LINGO2: variants seen among roughly 807,000 people sequenced by gnomAD.
The protein encoded by LINGO2 is leucine rich repeat and Ig domain containing 2.
A neutral mutation model predicts 30.6 loss-of-function variants in LINGO2; 14 were observed. The observed-to-expected ratio is 0.46, with a 90% CI of 0.30 to 0.72. The LOEUF (loss-of-function observed/expected upper bound fraction) is 0.72, where lower values mean the gene tolerates loss of function less well. Ranked by LOEUF, LINGO2 falls within the 30% of genes least tolerant of loss-of-function variation. The pLI is 0.07. For synonymous variants in LINGO2, 317 were observed against 288.5 expected, an observed-to-expected ratio of 1.10 and a Z score of -1.00; for missense variants, 729 against 751.7, an observed-to-expected ratio of 0.97 and a Z score of 0.35.
chr9:28,255,234 C>T (rs1441742617), intron 4 of LINGO2, among the ~76,000 whole-genome samples: 1 of 151,674 alleles, frequency 6.6e-6, no homozygotes, highest in Non-Finnish European at 1.5e-5. Context: ...TAACATTATT[C>T]CTAGCACACT....
intron 1 of LINGO2, among the ~76,000 whole-genome samples, chr9:28,661,343 A>C (rs1434059850): frequency 6.6e-6 from 1 of 152,158 alleles, no homozygotes; most frequent in Non-Finnish European, 1.5e-5. Flanking sequence ...GCCATCCTGG[A>C]GTAGCCAGCC....
chr9:28,719,901 T>A, the LINGO2 span, among the ~76,000 whole-genome samples: 1 of 152,046 alleles, frequency 6.6e-6, no homozygotes, highest in Non-Finnish European at 1.5e-5. Context: ...TTGCATGAAC[T>A]CAAATTAATT....
chr9:28,891,934 A>T, the LINGO2 span, among the ~76,000 whole-genome samples: 132,630 of 150,384 alleles, frequency 0.88, 58,082 homozygotes, highest in Non-Finnish European at 0.9. Flanking sequence ...TACTTTTTTT[A>T]TAAACACTCT....
At chr9:28,558,163 T>TA (rs1205925915) in intron 1 of LINGO2, among the ~76,000 whole-genome samples, 2 of 140,488 alleles carry the variant, frequency 1.4e-5, no homozygotes, top group Non-Finnish European at 3.1e-5. Flanking sequence ...AAAAATAGAA[T>TA]AAAACCAAAA....
the LINGO2 span, among the ~76,000 whole-genome samples, chr9:28,796,787 C>T: frequency 6.6e-6 from 1 of 151,732 alleles, no homozygotes. Flanking sequence ...GTATTAACTC[C>T]AAATTGCTGT....
At chr9:28,492,955 ACCT>A (rs1490239586) in intron 1 of LINGO2, among the ~76,000 whole-genome samples, 1 of 152,160 alleles carries the variant, frequency 6.6e-6, no homozygotes, top group Non-Finnish European at 1.5e-5. Flanking sequence ...AGAAGTGTTA[ACCT>A]ATTTTATTGG....
At chr9:29,014,628 C>T in the LINGO2 span, among the ~76,000 whole-genome samples, 13 of 152,226 alleles carry the variant, frequency 8.5e-5, no homozygotes, top group East Asian at 2.3e-3. Context: ...GACACAAATC[C>T]TAGTCAAATG....
chr9:28,884,799 AT>A, the LINGO2 span, among the ~76,000 whole-genome samples: 1 of 143,774 alleles, frequency 7.0e-6, no homozygotes, highest in Non-Finnish European at 1.5e-5. Context: ...GTGTATATAT[AT>A]TCTTTAGCAG....
intron 1 of LINGO2, among the ~76,000 whole-genome samples, chr9:28,481,892 T>C (rs1465356717): frequency 2.0e-5 from 3 of 151,942 alleles, no homozygotes; most frequent in Admixed American, 6.6e-5. Context: ...TTTGTTCTTG[T>C]GATAGTTTAC....
chr9:28,996,330 A>G, the LINGO2 span, among the ~76,000 whole-genome samples: 1 of 152,178 alleles, frequency 6.6e-6, no homozygotes, highest in Non-Finnish European at 1.5e-5. Context: ...ACCATTCACT[A>G]TGTTAAACAG....
chr9:28,290,062 C>G (rs1477720797), intron 4 of LINGO2, among the ~76,000 whole-genome samples: 1 of 152,158 alleles, frequency 6.6e-6, no homozygotes, highest in East Asian at 1.9e-4. Context: ...GCCAGGCACT[C>G]TGTTATTAAC....
chr9:28,976,572 T>C, the LINGO2 span, among the ~76,000 whole-genome samples: 1 of 152,240 alleles, frequency 6.6e-6, no homozygotes, highest in East Asian at 1.9e-4. Context: ...TAGACTTAAA[T>C]TTAAGGTACA....
At chr9:28,349,207 C>A (rs951473554) in intron 3 of LINGO2, among the ~76,000 whole-genome samples, 4 of 151,290 alleles carry the variant, frequency 2.6e-5, no homozygotes, top group Admixed American at 6.6e-5. Context: ...TTCTGAGCTA[C>A]GGGAGGACAT....
chr9:29,182,725 A>T, the LINGO2 span, among the ~76,000 whole-genome samples: 14 of 150,928 alleles, frequency 9.3e-5, 1 homozygote. Flanking sequence ...CCTTCCTTCC[A>T]CTAATCTAGT....
chr9:27,974,959 C>G (rs1029529317), intron 5 of LINGO2, among the ~76,000 whole-genome samples: 3 of 152,098 alleles, frequency 2.0e-5, no homozygotes, highest in African/African-American at 7.2e-5. Context: ...AAGCACAATC[C>G]TAACTTATCA....
chr9:28,240,875 A>G lies in LINGO2; in HGVS notation c.-87+54333T>C, dbSNP rs11506246. On this transcript the variant is annotated intron_variant, in intron 4 of 5. Transcript: ENST00000379992. ...AAGCACAGTAAAGAAAAGAATCAAG[A>G]AAGTGAAGAGACAAATCACAGAATT... Among the ~76,000 whole-genome samples, 888 of 152,340 alleles carry G rather than the reference A, an allele frequency of 5.8e-3. 14 individuals carry two copies. Among genetic ancestry groups the G allele is most frequent in the African/African-American group, 0.02 (820 of 41,572 alleles).
the LINGO2 span, among the ~76,000 whole-genome samples, chr9:28,991,411 G>A: frequency 6.6e-6 from 1 of 150,478 alleles, no homozygotes; most frequent in Admixed American, 6.7e-5. Context: ...AAACTGATGG[G>A]GAGAATGGAA....
the LINGO2 span, among the ~76,000 whole-genome samples, chr9:29,137,437 G>T: frequency 6.6e-6 from 1 of 152,138 alleles, no homozygotes. Flanking sequence ...TAAATCAAAG[G>T]TTCAAATAAG....
intron 1 of LINGO2, among the ~76,000 whole-genome samples, chr9:28,489,284 C>T (rs1413501840): frequency 6.6e-6 from 1 of 152,134 alleles, no homozygotes; most frequent in Non-Finnish European, 1.5e-5. Context: ...ATTCTCCTGC[C>T]TCAGCCTTCC....
Sources: gnomAD v4.1 joint callset for allele counts (sites outside exome capture counted in the v4.1 genomes callset) on GRCh38, gnomAD v4.1.1 for gene constraint, MANE v1.5 for transcripts, NCBI Gene and HGNC (gene_info 2026-07-23, HGNC 2026-07-21) for gene names.